Variants in KIAA0825 observed in about 807,000 individuals in gnomAD.
KIAA0825 encodes the protein uncharacterized protein KIAA0825.
In KIAA0825, 119 loss-of-function variants were observed where a neutral mutation model predicts 147.6. The ratio of observed to expected loss-of-function variants is 0.81; its 90% CI spans 0.69 to 0.94. The LOEUF is 0.94. KIAA0825 is among the 40% of genes least tolerant of loss of function. The pLI is 0.00. For missense variants in KIAA0825, 1,381 were observed against 1,472.7 expected, an observed-to-expected ratio of 0.94 and a Z score of 1.02; for synonymous variants, 470 against 518.1, an observed-to-expected ratio of 0.91 and a Z score of 1.26.
chr5:94,570,905 C>A, intron 2 of KIAA0825, among the ~76,000 whole-genome samples: 1 of 152,196 alleles, frequency 6.6e-6, no homozygotes, highest in African/African-American at 2.4e-5. Context: ...TTACTGCCAG[C>A]CACCATGAAT....
intron 14 of KIAA0825, among the ~76,000 whole-genome samples, chr5:94,430,007 T>C (rs997526264): frequency 7.2e-5 from 11 of 152,080 alleles, no homozygotes; most frequent in Non-Finnish European, 2.9e-5. Flanking sequence ...TCTGAAAGCC[T>C]GAAGGTCTGC....
rs1338993081 is a variant in KIAA0825, at chr5:94,529,307, A to ATG, written c.132-5210_132-5209insCA. 6.9e-3 allele frequency among the ~76,000 whole-genome samples: 995 copies of ATG among 143,194 alleles called. 73 individuals carry two copies. The highest frequency in any genetic ancestry group is 0.023 in the African/African-American group (908 of 38,658). The allele number at this position is 143,194 out of a possible 152,430, so 93.9% of individuals were successfully genotyped here. ...ATATATGTATATATCATATATATGT[A>ATG]TATATCATATATATGTATATATCAT... On this transcript the variant is annotated intron_variant, in intron 3 of 20. Transcript: ENST00000682413.
chr5:94,440,247 C>T, intron 13 of KIAA0825, 126 bp from the exon 14 acceptor site: 1 of 996,708 alleles, frequency 1.0e-6, no homozygotes. Flanking sequence ...TCTGAAAATG[C>T]TTTCATGCTT....
intron 15 of KIAA0825, among the ~76,000 whole-genome samples, chr5:94,409,511 G>A (rs778705787): frequency 5.3e-5 from 8 of 152,126 alleles, no homozygotes; most frequent in Non-Finnish European, 1.2e-4. Flanking sequence ...AAGTACCAAA[G>A]AGACGGATCT....
chr5:94,519,899 A>G (rs551833378), intron 5 of KIAA0825: 2 of 643,168 alleles, frequency 3.1e-6, no homozygotes, highest in African/African-American at 3.9e-5. Flanking sequence ...AAACAGATAA[A>G]GGAGCTTATA....
intron 20 of KIAA0825, among the ~76,000 whole-genome samples, chr5:94,227,653 T>C (rs1470107170): frequency 2.6e-5 from 4 of 151,336 alleles, no homozygotes; most frequent in African/African-American, 9.7e-5. Context: ...ATAAAAAAGA[T>C]GAGTTCATGT....
chr5:94,328,172 T>C (rs938355260), intron 20 of KIAA0825, among the ~76,000 whole-genome samples: 3 of 152,218 alleles, frequency 2.0e-5, no homozygotes, highest in Non-Finnish European at 2.9e-5. Context: ...ATTAAGCATA[T>C]ATTACTGCAC....
chr5:94,577,446 TGTA>T (rs1781275299), intron 2 of KIAA0825, among the ~76,000 whole-genome samples: 1 of 152,190 alleles, frequency 6.6e-6, no homozygotes, highest in Non-Finnish European at 1.5e-5. Context: ...TATTTCGAAG[TGTA>T]GTCCAAAACT....
intron 20 of KIAA0825, among the ~76,000 whole-genome samples, chr5:94,163,998 G>A (rs543940804): frequency 1.1e-4 from 17 of 152,290 alleles, no homozygotes; most frequent in African/African-American, 3.9e-4. Flanking sequence ...TGTTTTGAGA[G>A]ATCAACCTTA....
intron 14 of KIAA0825, among the ~76,000 whole-genome samples, chr5:94,430,199 G>A (rs1043318530): frequency 6.6e-6 from 1 of 152,300 alleles, no homozygotes; most frequent in Non-Finnish European, 1.5e-5. Flanking sequence ...AGTTCAGCCT[G>A]CTGATCCAGG....
intron 20 of KIAA0825, among the ~76,000 whole-genome samples, chr5:94,160,431 G>A (rs912124462): frequency 5.4e-5 from 8 of 149,268 alleles, no homozygotes; most frequent in Non-Finnish European, 1.2e-4. Context: ...TATGTATACA[G>A]TATATATGTA....
intron 20 of KIAA0825, among the ~76,000 whole-genome samples, chr5:94,189,026 A>G (rs1334770084): frequency 3.3e-5 from 5 of 152,306 alleles, no homozygotes; most frequent in Non-Finnish European, 1.5e-5. Flanking sequence ...TGAGATAACT[A>G]TCAATGTTGA....
intron 1 of KIAA0825, among the ~76,000 whole-genome samples, chr5:94,595,252 T>C (rs1472533844): frequency 6.6e-6 from 1 of 152,224 alleles, no homozygotes; most frequent in Non-Finnish European, 1.5e-5. Flanking sequence ...CACCTCTGTC[T>C]GGACACCCAT....
rs552221163 is a variant in KIAA0825, at chr5:94,554,456, C to A, written c.-1-17329G>T. On this transcript the variant is annotated intron_variant, in intron 2 of 20. Transcript: ENST00000682413. The stretch of plus-strand genomic sequence containing the variant: ...CCGGTCACCATTCTTAAATATGCAC[C>A]AGCCTTTTCTTCTGGCCTGGCTCAT... 5.3e-5 allele frequency among the ~76,000 whole-genome samples: 8 copies of A among 152,058 alleles called. No homozygotes were observed. In the East Asian group the frequency reaches 1.2e-3, roughly 22 times the overall value.
rs1195292511 is a variant in KIAA0825 at position 94,536,988 on chromosome 5, A to G, written c.131+8T>C. Reference sequence around the variant, plus strand: ...AACAACTTGTTTTAAATAATTAACAATATTTACCTTGCAGCATTTTGTTCA... The same window carrying G: ...AACAACTTGTTTTAAATAATTAACAGTATTTACCTTGCAGCATTTTGTTCA... On this transcript the variant is annotated splice_region_variant and intron_variant, in intron 3 of 20. Coordinates refer to ENST00000682413, the MANE Select transcript of KIAA0825 (RefSeq NM_001145678.3). 2 of 1,584,690 alleles carry G rather than the reference A, an allele frequency of 1.3e-6. No individual in the cohort carries two copies. The highest frequency in any genetic ancestry group is 2.7e-5 in the African/African-American group (2 of 74,100).
intron 20 of KIAA0825, among the ~76,000 whole-genome samples, chr5:94,354,535 T>C (rs1294872123): frequency 6.6e-6 from 1 of 152,168 alleles, no homozygotes; most frequent in Non-Finnish European, 1.5e-5. Flanking sequence ...AAATATTTAT[T>C]TGTATTTTTT....
At chr5:94,349,850 C>A (rs1332887855) in intron 20 of KIAA0825, among the ~76,000 whole-genome samples, 1 of 152,114 alleles carries the variant, frequency 6.6e-6, no homozygotes, top group Non-Finnish European at 1.5e-5. Flanking sequence ...TAAAAACTGA[C>A]ACTCCAAGGT....
At chr5:94,470,455 T>C (rs759840093) in intron 9 of KIAA0825, among the ~76,000 whole-genome samples, 8 of 152,194 alleles carry the variant, frequency 5.3e-5, no homozygotes, top group Non-Finnish European at 1.2e-4. Context: ...TTATTGTTTT[T>C]ACTAGAGAAC....
chr5:94,529,579 T>C (rs2151286561), intron 3 of KIAA0825, among the ~76,000 whole-genome samples: 1 of 151,964 alleles, frequency 6.6e-6, no homozygotes, highest in East Asian at 1.9e-4. Context: ...ATGTAGAGAA[T>C]ATTTCTAGAA....
Sources: allele counts gnomAD v4.1 joint callset (sites outside exome capture counted in the v4.1 genomes callset), GRCh38; gene constraint gnomAD v4.1.1; transcripts MANE v1.5; gene names NCBI Gene and HGNC (gene_info 2026-07-23, HGNC 2026-07-21).